EGFLAM: variants seen among roughly 807,000 people sequenced by gnomAD.
EGFLAM encodes EGF like, fibronectin type III and laminin G domains, also known as pikachurin.
A neutral mutation model predicts 113.1 loss-of-function variants in EGFLAM; 79 were observed. The observed-to-expected ratio is 0.70, with a 90% confidence interval of 0.58 to 0.84. The LOEUF (loss-of-function observed/expected upper bound fraction) is 0.84, where lower values mean the gene tolerates loss of function less well. Ranked by LOEUF, EGFLAM falls within the 40% of genes least tolerant of loss-of-function variation. The pLI is 0.00. For missense variants in EGFLAM, 1,265 were observed against 1,291.6 expected (o/e 0.98, Z 0.32); for synonymous variants, 504 against 487.6 (o/e 1.03, Z -0.44).
chr5:38,383,920 A>C (rs931377034), intron 6 of EGFLAM, among the ~76,000 whole-genome samples: 3 of 152,074 alleles, frequency 2.0e-5, no homozygotes, highest in Admixed American at 2.0e-4. Context: ...GAATGTGGTG[A>C]GTGAGAAAAA....
At chr5:38,426,903 A>G in intron 13 of EGFLAM, 106 bp from the exon 14 acceptor site, 9 of 1,485,718 alleles carry the variant, frequency 6.1e-6, no homozygotes, top group Non-Finnish European at 8.1e-6. Context: ...GCTGCTGGGA[A>G]TTGTAGTTTA....
chr5:38,270,954 T>G (rs1757752264), intron 1 of EGFLAM, among the ~76,000 whole-genome samples: 2 of 152,222 alleles, frequency 1.3e-5, no homozygotes, highest in South Asian at 4.1e-4. Flanking sequence ...ATAATTGAGC[T>G]TAGGCATCCA....
intron 1 of EGFLAM, among the ~76,000 whole-genome samples, chr5:38,335,039 A>G (rs762411784): frequency 2.6e-5 from 4 of 152,176 alleles, no homozygotes; most frequent in Non-Finnish European, 4.4e-5. Context: ...GGCAGCCCCC[A>G]CAAAAACTAG....
rs961668991 is a variant in EGFLAM, at chr5:38,464,511, C to T, written c.*525C>T. ...TCCTCACTGGCTGGTTCACTGTGTT[C>T]TGACTAGTCCATAAAAATAAAGATG... On this transcript the variant is annotated 3_prime_UTR_variant, in exon 22 of 22. Transcript: ENST00000322350. The T allele has an allele frequency of 6.5e-6, 1 of 153,312 alleles. No homozygotes were observed. Among genetic ancestry groups the T allele is most frequent in the African/African-American group, 2.4e-5 (1 of 41,458 alleles). The allele number at this position is 153,312 out of a possible 1,614,324, so 9.5% of individuals were successfully genotyped here. A position where few individuals can be genotyped will look rare whatever the true frequency, so the allele number is the denominator to read the frequency against.
intron 6 of EGFLAM, among the ~76,000 whole-genome samples, chr5:38,404,331 GC>G (rs1365935615): frequency 6.6e-6 from 1 of 152,192 alleles, no homozygotes; most frequent in African/African-American, 2.4e-5. Flanking sequence ...TGGGATCAGT[GC>G]CCTTATTAAA....
intron 1 of EGFLAM, among the ~76,000 whole-genome samples, chr5:38,306,752 C>T (rs1758727652): frequency 1.3e-5 from 2 of 152,140 alleles, no homozygotes; most frequent in Admixed American, 1.3e-4. Context: ...ACAGGGGCAG[C>T]CCTGTGATTT....
intron 18 of EGFLAM, among the ~76,000 whole-genome samples, chr5:38,449,814 C>T (rs1742853468): frequency 6.6e-6 from 1 of 152,094 alleles, no homozygotes; most frequent in Non-Finnish European, 1.5e-5. Flanking sequence ...AATGCCTTAC[C>T]CATGAGGGAT....
At chr5:38,337,406 T>A in intron 1 of EGFLAM, 114 bp from the exon 2 acceptor site, 1 of 1,007,058 alleles carries the variant, frequency 9.9e-7, no homozygotes, top group Non-Finnish European at 1.4e-6. Flanking sequence ...ATTTCTGGAA[T>A]TATCTTTAAG....
At chr5:38,423,290 T>A (rs1741893004) in intron 12 of EGFLAM, among the ~76,000 whole-genome samples, 1 of 152,092 alleles carries the variant, frequency 6.6e-6, no homozygotes, top group South Asian at 2.1e-4. Flanking sequence ...TTTGTGGCCA[T>A]CCTGTTCACT....
chr5:38,457,682 G>A (rs1743134364), intron 19 of EGFLAM, among the ~76,000 whole-genome samples: 1 of 152,148 alleles, frequency 6.6e-6, no homozygotes, highest in Admixed American at 6.5e-5. Flanking sequence ...GAATTTGGCG[G>A]GTGGAGGGAG....
At chr5:38,310,235 C>CCGAGG in intron 1 of EGFLAM, among the ~76,000 whole-genome samples, 1 of 152,184 alleles carries the variant, frequency 6.6e-6, no homozygotes, top group South Asian at 2.1e-4. Flanking sequence ...CTGTTTTGCT[C>CCGAGG]TGAGGTTGCT....
At chr5:38,441,751 G>C (rs1742542108) in intron 17 of EGFLAM, among the ~76,000 whole-genome samples, 1 of 152,178 alleles carries the variant, frequency 6.6e-6, no homozygotes. Flanking sequence ...GAGCGTCTAA[G>C]AGGTGAGTAC....
intron 1 of EGFLAM, among the ~76,000 whole-genome samples, chr5:38,280,452 G>A (rs1390231160): frequency 2.6e-5 from 4 of 152,166 alleles, no homozygotes; most frequent in Non-Finnish European, 5.9e-5. Context: ...GGCACCTAAA[G>A]GAGATCAAAT....
intron 3 of EGFLAM, among the ~76,000 whole-genome samples, chr5:38,344,424 A>G (rs1739423023): frequency 6.6e-6 from 1 of 151,450 alleles, no homozygotes; most frequent in South Asian, 2.1e-4. Flanking sequence ...AGGCAGTTGC[A>G]GTGAGCTGGG....
At chr5:38,313,249 C>G (rs558704866) in intron 1 of EGFLAM, among the ~76,000 whole-genome samples, 67 of 152,254 alleles carry the variant, frequency 4.4e-4, no homozygotes, top group African/African-American at 1.5e-3. Flanking sequence ...AAGGGAGGCT[C>G]TACATAATTT....
chr5:38,392,635 G>A (rs964643431), intron 6 of EGFLAM, among the ~76,000 whole-genome samples: 1 of 150,752 alleles, frequency 6.6e-6, no homozygotes, highest in Non-Finnish European at 1.5e-5. Context: ...TTTTTGGGGG[G>A]GCGGTTCTCA....
chr5:38,350,664 T>C, intron 4 of EGFLAM, 46 bp downstream of exon 4: 2 of 1,550,090 alleles, frequency 1.3e-6, no homozygotes, highest in Non-Finnish European at 1.8e-6. Flanking sequence ...CTGCTATCCA[T>C]GCATCCTTCA....
chr5:38,283,398 T>G (rs905493000), intron 1 of EGFLAM, among the ~76,000 whole-genome samples: 1 of 152,228 alleles, frequency 6.6e-6, no homozygotes, highest in Non-Finnish European at 1.5e-5. Flanking sequence ...TTCATTGTTA[T>G]AATGGGGAAG....
chr5:38,388,759 C>T (rs1429288245), intron 6 of EGFLAM, among the ~76,000 whole-genome samples: 2 of 101,170 alleles, frequency 2.0e-5, no homozygotes, highest in African/African-American at 6.5e-5. Context: ...GACTCTGTCA[C>T]AAAAAAAAAA....
Sources: gnomAD v4.1 joint callset for allele counts (sites outside exome capture counted in the v4.1 genomes callset) on GRCh38, gnomAD v4.1.1 for gene constraint, MANE v1.5 for transcripts, NCBI Gene and HGNC (gene_info 2026-07-23, HGNC 2026-07-21) for gene names.